Variants in KAZN observed in about 807,000 individuals in gnomAD.
KAZN encodes the protein kazrin.
Under a neutral mutation model 87.4 loss-of-function variants are expected in KAZN, and 40 were observed. That is an observed-to-expected ratio of 0.46 (90% CI 0.36 to 0.60). KAZN has a LOEUF of 0.60. Among genes scored for constraint, KAZN ranks in the 20% least tolerant of loss-of-function variants. The pLI, the probability that KAZN is intolerant of heterozygous loss-of-function variation, is 0.00. For synonymous variants in KAZN, 466 were observed against 458.3 expected, an observed-to-expected ratio of 1.02 and a Z score of -0.22; for missense variants, 898 against 1,073.9, an observed-to-expected ratio of 0.84 and a Z score of 2.29.
chr1:15,092,426 T>C (rs1640594023), intron 8 of KAZN, among the ~76,000 whole-genome samples: 1 of 152,090 alleles, frequency 6.6e-6, no homozygotes. Flanking sequence ...TGAGTTTGTC[T>C]GTTTGGGTGT....
At chr1:14,137,305 A>G (rs936990405) in intron 1 of KAZN, among the ~76,000 whole-genome samples, 27 of 152,134 alleles carry the variant, frequency 1.8e-4, no homozygotes, top group African/African-American at 6.3e-4. Context: ...AAGTTTCTGT[A>G]AGAGGTAAGG....
chr1:14,977,962 C>A (rs919683342), intron 2 of KAZN, among the ~76,000 whole-genome samples: 40 of 142,576 alleles, frequency 2.8e-4, no homozygotes, highest in African/African-American at 9.8e-4. Flanking sequence ...GGCACGATCT[C>A]GGCTCACTGC....
chr1:14,259,061 C>T (rs1446666464), intron 2 of KAZN, among the ~76,000 whole-genome samples: 1 of 151,872 alleles, frequency 6.6e-6, no homozygotes. Flanking sequence ...CAACGAGCTG[C>T]GGGACAGATG....
chr1:13,923,458 A>G (rs1438067677), intron 1 of KAZN, among the ~76,000 whole-genome samples: 1 of 151,560 alleles, frequency 6.6e-6, no homozygotes, highest in Non-Finnish European at 1.5e-5. Flanking sequence ...CTGTAGTCCC[A>G]GCTACTGGGG....
At chr1:14,931,614 C>A (rs1572858904) in intron 1 of KAZN, among the ~76,000 whole-genome samples, 1 of 152,148 alleles carries the variant, frequency 6.6e-6, no homozygotes, top group East Asian at 1.9e-4. Context: ...CTCCCCTCCT[C>A]CCCCGCCAGG....
chr1:13,938,166 G>A (rs1434384393), intron 1 of KAZN, among the ~76,000 whole-genome samples: 1 of 152,166 alleles, frequency 6.6e-6, no homozygotes, highest in Admixed American at 6.5e-5. Flanking sequence ...CCATGAGCAT[G>A]GAAGTTTTTT....
At chr1:14,229,043 T>A (rs1379520884) in intron 2 of KAZN, among the ~76,000 whole-genome samples, 1 of 152,248 alleles carries the variant, frequency 6.6e-6, no homozygotes, top group Non-Finnish European at 1.5e-5. Context: ...GCCTTGGAAG[T>A]GTTTTATGCT....
At chr1:15,097,546 C>T (rs1009187844) in intron 10 of KAZN, among the ~76,000 whole-genome samples, 1 of 152,166 alleles carries the variant, frequency 6.6e-6, no homozygotes, top group Admixed American at 6.5e-5. Context: ...AGGCCGGGTA[C>T]GATGGCTCAC....
At chr1:15,020,192 G>A (rs758281754) in intron 2 of KAZN, among the ~76,000 whole-genome samples, 18 of 152,280 alleles carry the variant, frequency 1.2e-4, no homozygotes, top group South Asian at 4.2e-4. Context: ...CTGGGTTACC[G>A]CATTCCCCAC....
intron 2 of KAZN, among the ~76,000 whole-genome samples, chr1:14,563,053 CAGA>C (rs1452448672): frequency 5.9e-5 from 9 of 152,194 alleles, no homozygotes; most frequent in South Asian, 2.1e-4. Context: ...GCTGTCAAAT[CAGA>C]AGGACAAAAG....
chr1:14,357,600 A>G (rs950659691), intron 2 of KAZN, among the ~76,000 whole-genome samples: 4 of 152,206 alleles, frequency 2.6e-5, no homozygotes, highest in Non-Finnish European at 2.9e-5. Flanking sequence ...ATGTTCCATC[A>G]ATACCTAGTT....
chr1:14,971,387 G>T (rs996941907), intron 2 of KAZN, among the ~76,000 whole-genome samples: 4 of 152,212 alleles, frequency 2.6e-5, no homozygotes, highest in African/African-American at 9.6e-5. Flanking sequence ...GACAGAGCGA[G>T]ACTGTCTCAA....
chr1:14,377,747 A>G (rs1661030355), intron 2 of KAZN, among the ~76,000 whole-genome samples: 1 of 151,970 alleles, frequency 6.6e-6, no homozygotes, highest in Non-Finnish European at 1.5e-5. Context: ...CCAGGCATAT[A>G]GTGATGACCT....
At chr1:14,243,601 C>T (rs1043878973) in intron 2 of KAZN, among the ~76,000 whole-genome samples, 5 of 152,084 alleles carry the variant, frequency 3.3e-5, no homozygotes, top group Admixed American at 6.5e-5. Flanking sequence ...CTAACAATAC[C>T]GTACTGTGTA....
chr1:14,886,425 TACACACACACATACACACACACACAC>T (rs1361032398), intron 1 of KAZN, among the ~76,000 whole-genome samples: 1 of 139,822 alleles, frequency 7.2e-6, no homozygotes, highest in African/African-American at 2.6e-5. Context: ...CTTGTCTCTA[TACACACACACATACACACACACACAC>T]ACACACACAC....
chr1:14,289,509 CTT>C (rs796867828), intron 2 of KAZN, among the ~76,000 whole-genome samples: 2 of 145,688 alleles, frequency 1.4e-5, no homozygotes, highest in Non-Finnish European at 1.5e-5. Context: ...GTAACTCTGC[CTT>C]TTTTTTTTTA....
At chr1:14,205,837 G>A (rs774367367) in intron 2 of KAZN, among the ~76,000 whole-genome samples, 3 of 122,512 alleles carry the variant, frequency 2.4e-5, no homozygotes, top group Non-Finnish European at 4.8e-5. Context: ...AGTGAGCCAA[G>A]ATTGCGCCAC....
At chr1:14,623,388 G>A (rs4661294) in intron 1 of KAZN, among the ~76,000 whole-genome samples, 64,349 of 152,028 alleles carry the variant, frequency 0.42, 14,886 homozygotes, top group Admixed American at 0.51. Flanking sequence ...AATGCCACAT[G>A]TCCTCACTTA....
chr1:14,731,906 C>G (rs1224267569), intron 1 of KAZN, among the ~76,000 whole-genome samples: 1 of 152,210 alleles, frequency 6.6e-6, no homozygotes, highest in African/African-American at 2.4e-5. Context: ...AGATCACATA[C>G]GTCAGTTACA....
Sources: allele counts gnomAD v4.1 joint callset (sites outside exome capture counted in the v4.1 genomes callset), GRCh38; gene constraint gnomAD v4.1.1; transcripts MANE v1.5; gene names NCBI Gene and HGNC (gene_info 2026-07-23, HGNC 2026-07-21).